Variants in MAGI2 observed in about 807,000 individuals in gnomAD.
MAGI2 encodes membrane associated guanylate kinase, WW and PDZ domain containing 2, also known as membrane-associated guanylate kinase, WW and PDZ domain-containing protein 2.
Under a neutral mutation model 133.3 loss-of-function variants are expected in MAGI2, and 35 were observed. That is an observed-to-expected ratio of 0.26 (90% CI 0.20 to 0.35). The LOEUF (loss-of-function observed/expected upper bound fraction) is 0.35, where lower values mean the gene tolerates loss of function less well. Ranked by LOEUF, MAGI2 falls within the 10% of genes least tolerant of loss-of-function variation. The probability of loss-of-function intolerance (pLI) is 1.00; values close to 1 mark genes in which losing one functional copy is unlikely to be tolerated. For synonymous variants in MAGI2, 729 were observed against 710.6 expected (o/e 1.03, Z -0.41); for missense variants, 1,636 against 1,863.4 (o/e 0.88, Z 2.25).
chr7:78,324,098 T>C (rs1215190956), intron 9 of MAGI2, among the ~76,000 whole-genome samples: 2 of 151,966 alleles, frequency 1.3e-5, no homozygotes, highest in Non-Finnish European at 2.9e-5. Flanking sequence ...TGTGTGTTTT[T>C]ATTTAAAAAA....
intron 2 of MAGI2, among the ~76,000 whole-genome samples, chr7:78,681,312 G>A (rs190095333): frequency 6.6e-6 from 1 of 151,962 alleles, no homozygotes; most frequent in Admixed American, 6.6e-5. Context: ...CTTTTCTTTG[G>A]TATATTTCAA....
intron 2 of MAGI2, among the ~76,000 whole-genome samples, chr7:78,722,123 A>G (rs1223006156): frequency 6.6e-6 from 1 of 151,258 alleles, no homozygotes; most frequent in Non-Finnish European, 1.5e-5. Context: ...AATATTCTAT[A>G]ACAAATATAG....
chr7:78,618,587 T>C (rs1363166131), intron 3 of MAGI2: 1 of 151,938 alleles, frequency 6.6e-6, no homozygotes, highest in African/African-American at 2.4e-5. Context: ...TCTGGGTGAA[T>C]TTTTGACGTG....
At chr7:78,291,903 C>A (rs1330350040) in intron 9 of MAGI2, among the ~76,000 whole-genome samples, 2 of 152,130 alleles carry the variant, frequency 1.3e-5, no homozygotes, top group Admixed American at 1.3e-4. Flanking sequence ...TAAAAACTCT[C>A]AATAAACTAG....
At chr7:79,298,917 C>G (rs1837160785) in intron 1 of MAGI2, among the ~76,000 whole-genome samples, 1 of 152,174 alleles carries the variant, frequency 6.6e-6, no homozygotes, top group Non-Finnish European at 1.5e-5. Context: ...GAAACCAACC[C>G]TATTAATACC....
intron 6 of MAGI2, among the ~76,000 whole-genome samples, chr7:78,467,106 A>G (rs1442251493): frequency 1.3e-5 from 2 of 152,204 alleles, no homozygotes; most frequent in African/African-American, 4.8e-5. Context: ...AGTAAGGGAC[A>G]GCGAGGAGAT....
chr7:78,601,400 T>A (rs1054448311), intron 3 of MAGI2, among the ~76,000 whole-genome samples: 1 of 152,226 alleles, frequency 6.6e-6, no homozygotes, highest in South Asian at 2.1e-4. Context: ...TGGTAATCAC[T>A]TGTAATTTTT....
chr7:79,097,740 T>C (rs1817638498), intron 1 of MAGI2, among the ~76,000 whole-genome samples: 1 of 152,216 alleles, frequency 6.6e-6, no homozygotes, highest in Non-Finnish European at 1.5e-5. Context: ...AAATCCACAC[T>C]ATGATGTATT....
intron 1 of MAGI2, among the ~76,000 whole-genome samples, chr7:79,091,957 T>G (rs1356682170): frequency 6.6e-6 from 1 of 152,018 alleles, no homozygotes; most frequent in Non-Finnish European, 1.5e-5. Context: ...GACCATAGTT[T>G]GCTGATTCTG....
In MAGI2 at chr7:78,784,040, G is replaced by A. The variant is rs188360482; in HGVS notation, c.419-156801C>T. Among the ~76,000 whole-genome samples the A allele has an allele frequency of 1.4e-3, 209 of 152,166 alleles. 2 individuals are homozygous for A. The highest frequency in any genetic ancestry group is 4.8e-3 in the African/African-American group (198 of 41,514). ...TGTTTTTGGAATGGTCATACTAATT[G>A]CGTTGACATAGTGTATCAGGGAGCT... On this transcript the variant is annotated intron_variant, in intron 2 of 21. Coordinates refer to ENST00000354212, the MANE Select transcript of MAGI2 (RefSeq NM_012301.4).
intron 21 of MAGI2, among the ~76,000 whole-genome samples, chr7:78,029,267 C>T (rs985444384): frequency 1.3e-5 from 2 of 152,076 alleles, no homozygotes; most frequent in Non-Finnish European, 2.9e-5. Context: ...TAAAAAATCC[C>T]GGACTGGTTT....
chr7:78,331,877 G>T (rs1215003524), intron 9 of MAGI2, among the ~76,000 whole-genome samples: 1 of 152,092 alleles, frequency 6.6e-6, no homozygotes, highest in East Asian at 1.9e-4. Context: ...TAAATATTTT[G>T]TGCAGAATAA....
chr7:78,217,359 T>G (rs12672053), intron 10 of MAGI2, among the ~76,000 whole-genome samples: 42,465 of 152,160 alleles, frequency 0.28, 6,766 homozygotes, highest in Non-Finnish European at 0.35. Flanking sequence ...TATGTATTCA[T>G]TCTCCAGTTC....
At chr7:78,656,701 A>G (rs898015180) in intron 2 of MAGI2, among the ~76,000 whole-genome samples, 1 of 152,258 alleles carries the variant, frequency 6.6e-6, no homozygotes, top group Non-Finnish European at 1.5e-5. Context: ...TTTGACTGCT[A>G]TAATTTCACA....
chr7:79,250,158 A>G (rs373334071), intron 1 of MAGI2, among the ~76,000 whole-genome samples: 118 of 152,242 alleles, frequency 7.8e-4, no homozygotes, highest in African/African-American at 2.7e-3. Context: ...AATGATAGCC[A>G]TATAAAACAG....
chr7:78,400,836 G>A (rs1481623203), intron 6 of MAGI2, among the ~76,000 whole-genome samples: 1 of 152,032 alleles, frequency 6.6e-6, no homozygotes, highest in Non-Finnish European at 1.5e-5. Context: ...TCTGGTTCAG[G>A]GAAACAAGAT....
At chr7:78,130,368 G>C (rs371831127) in intron 18 of MAGI2, among the ~76,000 whole-genome samples, 1 of 152,076 alleles carries the variant, frequency 6.6e-6, no homozygotes, top group Non-Finnish European at 1.5e-5. Context: ...ATTTTATCCC[G>C]CTCTAACATG....
chr7:78,883,070 T>G (rs748463486), intron 2 of MAGI2, among the ~76,000 whole-genome samples: 26 of 152,176 alleles, frequency 1.7e-4, no homozygotes, highest in Non-Finnish European at 3.7e-4. Flanking sequence ...AAATTATCTT[T>G]CTTTGCTGAT....
intron 1 of MAGI2, among the ~76,000 whole-genome samples, chr7:79,118,752 C>G (rs740967): frequency 1.1e-4 from 16 of 151,808 alleles, no homozygotes; most frequent in African/African-American, 3.9e-4. Context: ...TACCCATATC[C>G]CTCATGACCT....
Sources: gnomAD v4.1 joint callset for allele counts (sites outside exome capture counted in the v4.1 genomes callset) on GRCh38, gnomAD v4.1.1 for gene constraint, MANE v1.5 for transcripts, NCBI Gene and HGNC (gene_info 2026-07-23, HGNC 2026-07-21) for gene names.